KCNH1: variants seen among roughly 807,000 people sequenced by gnomAD.
KCNH1 encodes the protein potassium voltage-gated channel subfamily H member 1.
In KCNH1, 27 loss-of-function variants were observed where a neutral mutation model predicts 69.2. The observed-to-expected ratio is 0.39, with a 90% CI of 0.29 to 0.54. The LOEUF is 0.54. Among genes scored for constraint, KCNH1 ranks in the 20% least tolerant of loss-of-function variants. The probability of loss-of-function intolerance (pLI) is 0.68; values close to 1 mark genes in which losing one functional copy is unlikely to be tolerated. For synonymous variants in KCNH1, 456 were observed against 487.7 expected, an observed-to-expected ratio of 0.93 and a Z score of 0.86; for missense variants, 798 against 1,261.6, an observed-to-expected ratio of 0.63 and a Z score of 5.57.
At chr1:211,086,183 A>T (rs1047568374) in intron 4 of KCNH1, among the ~76,000 whole-genome samples, 1 of 152,162 alleles carries the variant, frequency 6.6e-6, no homozygotes, top group Non-Finnish European at 1.5e-5. Context: ...ACAAATAAAG[A>T]ACAAATATTT....
Position 210,785,480 on chromosome 1 carries a change from C to T in KCNH1, c.1916-9936G>A, listed in dbSNP as rs139929992. Among the ~76,000 whole-genome samples the T allele has an allele frequency of 1.1e-4, 16 of 151,886 alleles. No individual in the cohort carries two copies. In the East Asian group the frequency reaches 2.9e-3, roughly 28 times the overall value. On this transcript the variant is annotated intron_variant, in intron 9 of 10. Transcript: ENST00000271751. ...TGCAATCTTGGCTCACCGCAACCTC[C>T]GCCTCCTGGGTTCAAGCGGTTCTCC...
At chr1:211,069,291 C>G (rs553564528) in intron 5 of KCNH1, among the ~76,000 whole-genome samples, 3 of 113,636 alleles carry the variant, frequency 2.6e-5, no homozygotes, top group Admixed American at 1.2e-4. Context: ...CCCCACCCCC[C>G]ACCCTACCAT....
intron 6 of KCNH1, among the ~76,000 whole-genome samples, chr1:210,944,649 G>A (rs1358851220): frequency 6.6e-6 from 1 of 152,172 alleles, no homozygotes; most frequent in Non-Finnish European, 1.5e-5. Context: ...AAATGACAAA[G>A]CTGAGACACA....
Position 211,038,113 on chromosome 1 carries a change from C to A in KCNH1, c.559-18857G>T, listed in dbSNP as rs532910928. Among the ~76,000 whole-genome samples, 89 of 152,138 alleles carry A rather than the reference C, an allele frequency of 5.8e-4. 1 individual carries two copies. The highest frequency in any genetic ancestry group is 2.1e-3 in the African/African-American group (87 of 41,496). Reference sequence around the variant, plus strand: ...TAGCTGGGGCTACCGGCACCCACCACCACGCCTGGCTAAATTTTTTGTATT... The same window carrying A: ...TAGCTGGGGCTACCGGCACCCACCAACACGCCTGGCTAAATTTTTTGTATT... On this transcript the variant is annotated intron_variant, in intron 5 of 10. Coordinates refer to ENST00000271751, the MANE Select transcript of KCNH1 (RefSeq NM_172362.3).
intron 5 of KCNH1, among the ~76,000 whole-genome samples, chr1:211,063,029 T>C (rs761367119): frequency 1.3e-5 from 2 of 152,224 alleles, no homozygotes; most frequent in African/African-American, 2.4e-5. Flanking sequence ...ACAGCACTAT[T>C]CGCAATAGCC....
At chr1:211,121,875 C>A (rs750337410) in intron 1 of KCNH1, among the ~76,000 whole-genome samples, 1 of 152,174 alleles carries the variant, frequency 6.6e-6, no homozygotes, top group South Asian at 2.1e-4. Flanking sequence ...GTAGCTCACG[C>A]CTGTAATCCC....
chr1:210,829,492 G>A (rs1158312270), intron 7 of KCNH1, among the ~76,000 whole-genome samples: 3 of 151,870 alleles, frequency 2.0e-5, no homozygotes, highest in Non-Finnish European at 2.9e-5. Flanking sequence ...ATGTCCCCTC[G>A]ACTCCCCATG....
chr1:211,055,829 G>T (rs551996480), intron 5 of KCNH1, among the ~76,000 whole-genome samples: 36 of 152,314 alleles, frequency 2.4e-4, no homozygotes, highest in African/African-American at 8.7e-4. Flanking sequence ...GGAACCTGAT[G>T]CCTTGAACAA....
At chr1:210,850,759 A>C (rs1248225630) in intron 7 of KCNH1, among the ~76,000 whole-genome samples, 1 of 152,216 alleles carries the variant, frequency 6.6e-6, no homozygotes, top group African/African-American at 2.4e-5. Flanking sequence ...CATGATTCAC[A>C]GTGAGTGAAA....
At chr1:210,901,388 C>T (rs1276407823) in intron 7 of KCNH1, among the ~76,000 whole-genome samples, 1 of 152,164 alleles carries the variant, frequency 6.6e-6, no homozygotes, top group Non-Finnish European at 1.5e-5. Context: ...CTACAACATC[C>T]TCCTCACAGG....
Position 210,683,498 on chromosome 1 carries a change from G to A in KCNH1, c.2753C>T (p.Pro918Leu). 1 of 1,614,160 alleles carries A rather than the reference G, an allele frequency of 6.2e-7. No homozygotes were observed. The highest frequency in any genetic ancestry group is 8.5e-7 in the Non-Finnish European group (1 of 1,180,012). ...AEVKHSFYPI[P>L]EQTLQATVLE... ...GACTGTGGCCTGCAGCGTCTGCTCA[G>A]GGATGGGGTAGAACGAATGCTTGAC... Residue 918 changes from proline (P) to leucine (L), a missense_variant, in exon 11 of 11, where the codon CCT becomes CTT. Around this residue, in one of 4 missense-constraint regions of KCNH1, gnomAD observed 331 missense variants for 363.2 expected, o/e 0.91. Transcript: ENST00000271751. This position sits in a 1 kb window ranked among gnomAD's most constrained non-coding sequence, Gnocchi z 5.7.
At chr1:211,123,899 T>C (rs749103605) in intron 1 of KCNH1, among the ~76,000 whole-genome samples, 2 of 151,976 alleles carry the variant, frequency 1.3e-5, no homozygotes, top group African/African-American at 2.4e-5. Flanking sequence ...ATGGTGTTAC[T>C]AGGGACACGT....
At chr1:211,011,034 G>A (rs1689382019) in intron 6 of KCNH1, among the ~76,000 whole-genome samples, 1 of 151,956 alleles carries the variant, frequency 6.6e-6, no homozygotes, top group African/African-American at 2.4e-5. Flanking sequence ...GAACATGCAG[G>A]TTTGTTACAT....
chr1:210,853,809 C>T (rs953369679), intron 7 of KCNH1, among the ~76,000 whole-genome samples: 8 of 152,048 alleles, frequency 5.3e-5, no homozygotes, highest in Admixed American at 2.0e-4. Flanking sequence ...CCAAACCATC[C>T]GGTTCAAGTC....
At chr1:211,068,885 G>A (rs1039036148) in intron 5 of KCNH1, among the ~76,000 whole-genome samples, 3 of 152,238 alleles carry the variant, frequency 2.0e-5, no homozygotes, top group Admixed American at 1.3e-4. Flanking sequence ...TGTAGGCTGT[G>A]TGGACAAGTC....
At chr1:210,690,790 G>A (rs1345603978) in intron 10 of KCNH1, among the ~76,000 whole-genome samples, 6 of 152,216 alleles carry the variant, frequency 3.9e-5, no homozygotes, top group East Asian at 1.9e-4. Context: ...AGGCCTGTTC[G>A]GCTAAGGCTG....
At chr1:210,853,063 C>T (rs1008013028) in intron 7 of KCNH1, among the ~76,000 whole-genome samples, 1 of 152,114 alleles carries the variant, frequency 6.6e-6, no homozygotes, top group Non-Finnish European at 1.5e-5. Context: ...TACAGAAAAA[C>T]CACTAAAATG....
At chr1:210,969,886 CAACTT>C (rs1023744022) in intron 6 of KCNH1, among the ~76,000 whole-genome samples, 3 of 151,958 alleles carry the variant, frequency 2.0e-5, no homozygotes, top group African/African-American at 7.2e-5. Context: ...CCTCATCCCA[CAACTT>C]TTTTTCATTT....
chr1:210,992,135 T>C (rs1009667666), intron 6 of KCNH1, among the ~76,000 whole-genome samples: 1 of 152,182 alleles, frequency 6.6e-6, no homozygotes, highest in African/African-American at 2.4e-5. Flanking sequence ...CATACATATC[T>C]AATTTAATCC....
Sources: gnomAD v4.1 joint callset for allele counts (sites outside exome capture counted in the v4.1 genomes callset) on GRCh38, gnomAD v4.1.1 for gene constraint, gnomAD v4.1.1 regional missense constraint, Gnocchi (gnomAD v3.1) non-coding constraint, MANE v1.5 for transcripts, NCBI Gene and HGNC (gene_info 2026-07-23, HGNC 2026-07-21) for gene names.